The following UBE3D variants were observed in gnomAD, a reference collection of about 807,000 sequenced individuals.
UBE3D encodes the protein E3 ubiquitin-protein ligase E3D.
UBE3D carries 48 observed loss-of-function variants against 49.6 expected under a neutral mutation model. The observed-to-expected ratio is 0.97, with a 90% CI of 0.77 to 1.23. The LOEUF is 1.23. UBE3D is among the 50% of genes most tolerant of loss of function. The pLI is 0.00. For missense variants in UBE3D, 452 were observed against 468.4 expected (o/e 0.96, Z 0.32); for synonymous variants, 189 against 174.2 (o/e 1.08, Z -0.67).
Position 82,946,914 on chromosome 6 carries a change from GA to G in UBE3D, c.1149+10397del, listed in dbSNP as rs544958545. Among the ~76,000 whole-genome samples, 522 of 134,420 alleles carry G rather than the reference GA, an allele frequency of 3.9e-3. 3 individuals are homozygous for G. Among genetic ancestry groups the G allele is most frequent in the South Asian group, 0.014 (61 of 4,312 alleles). 88.2% of individuals were successfully genotyped at this position (134,420 alleles called of 152,430 possible). ...TAACAAAAATCATACAACAGGCACA[GA>G]AAAAAAAAAAGCAAGAAATTAAATC... On this transcript the variant is annotated intron_variant, in intron 9 of 9. Transcript: ENST00000369747.
intron 8 of UBE3D, among the ~76,000 whole-genome samples, chr6:82,966,130 T>C (rs1776903561): frequency 6.6e-6 from 1 of 152,162 alleles, no homozygotes; most frequent in East Asian, 1.9e-4. Flanking sequence ...AACTGATCGG[T>C]ATGTCTTTTA....
intron 8 of UBE3D, among the ~76,000 whole-genome samples, chr6:82,967,471 C>T (rs980678458): frequency 9.2e-5 from 14 of 151,974 alleles, no homozygotes; most frequent in African/African-American, 3.4e-4. Flanking sequence ...CTCCCTTCCC[C>T]ATCGCCTCCA....
At chr6:82,887,948 A>G (rs1447077359), downstream of UBE3D, among the ~76,000 whole-genome samples, 2 of 152,062 alleles carry the variant, frequency 1.3e-5, no homozygotes, top group African/African-American at 4.8e-5. Flanking sequence ...TAGAAATGCT[A>G]TTACCTAGGA....
intron 4 of UBE3D, among the ~76,000 whole-genome samples, chr6:83,040,789 T>C (rs1782618706): frequency 1.3e-5 from 2 of 152,316 alleles, no homozygotes; most frequent in South Asian, 4.1e-4. Flanking sequence ...CTCTGGCCAT[T>C]GCACTGACAT....
the UBE3D span, among the ~76,000 whole-genome samples, chr6:82,885,066 T>C: frequency 6.6e-6 from 1 of 152,116 alleles, no homozygotes; most frequent in Non-Finnish European, 1.5e-5. Flanking sequence ...GAATGGGTTG[T>C]CACGTCCCTT....
intron 4 of UBE3D, among the ~76,000 whole-genome samples, chr6:83,043,697 A>T (rs1782829734): frequency 6.6e-6 from 1 of 152,242 alleles, no homozygotes; most frequent in South Asian, 2.1e-4. Context: ...ACCAATAATC[A>T]GATGTTAAAA....
At chr6:83,037,956 A>C (rs1405990589) in intron 5 of UBE3D, 1 of 152,402 alleles carries the variant, frequency 6.6e-6, no homozygotes, top group Non-Finnish European at 1.5e-5. Flanking sequence ...GGCAGCCAAG[A>C]AAAACAACTT....
chr6:82,996,311 AAAATAAAT>A (rs148895876), intron 8 of UBE3D, among the ~76,000 whole-genome samples: 5,379 of 148,610 alleles, frequency 0.036, 182 homozygotes, highest in East Asian at 0.095. Flanking sequence ...TTTGAGCAAC[AAAATAAAT>A]AAATAAATAA....
intron 8 of UBE3D, among the ~76,000 whole-genome samples, chr6:82,987,289 A>C (rs1001204468): frequency 1.3e-5 from 2 of 152,100 alleles, no homozygotes; most frequent in African/African-American, 4.8e-5. Flanking sequence ...GCTGGGATTA[A>C]AGGAATGAGC....
chr6:83,000,384 G>A (rs150101728), intron 8 of UBE3D, among the ~76,000 whole-genome samples: 11 of 152,094 alleles, frequency 7.2e-5, no homozygotes, highest in African/African-American at 2.7e-4. Flanking sequence ...GTATATAGTG[G>A]CCCATTCCTC....
intron 5 of UBE3D, among the ~76,000 whole-genome samples, chr6:83,024,973 A>G (rs1027791225): frequency 6.6e-6 from 1 of 152,188 alleles, no homozygotes; most frequent in African/African-American, 2.4e-5. Context: ...TTATGATTCA[A>G]GCTCGACTTT....
intron 5 of UBE3D, among the ~76,000 whole-genome samples, chr6:83,025,370 G>A (rs982362011): frequency 2.0e-5 from 3 of 151,750 alleles, no homozygotes; most frequent in African/African-American, 7.3e-5. Context: ...TCATCTTGGA[G>A]TTCTAAAAAA....
At chr6:82,990,361 T>A (rs144985461) in intron 8 of UBE3D, among the ~76,000 whole-genome samples, 166 of 152,224 alleles carry the variant, frequency 1.1e-3, no homozygotes, top group African/African-American at 3.9e-3. Context: ...CAATGCAACC[T>A]CCACCTCCTG....
At chr6:82,930,970 G>T (rs1421591945) in intron 9 of UBE3D, among the ~76,000 whole-genome samples, 1 of 152,196 alleles carries the variant, frequency 6.6e-6, no homozygotes, top group Non-Finnish European at 1.5e-5. Context: ...CCCATAACAG[G>T]CCTGGAGGCC....
chr6:82,996,603 GA>G (rs1171347255), intron 8 of UBE3D, among the ~76,000 whole-genome samples: 2 of 152,088 alleles, frequency 1.3e-5, no homozygotes, highest in Non-Finnish European at 2.9e-5. Context: ...TAGCTTGGTG[GA>G]AAAACCTGAC....
intron 8 of UBE3D, among the ~76,000 whole-genome samples, chr6:82,963,731 TCTC>T (rs1776715388): frequency 6.6e-6 from 1 of 152,082 alleles, no homozygotes; most frequent in South Asian, 2.1e-4. Context: ...CAAATGTTAA[TCTC>T]CTTCACAGAC....
At chr6:82,909,963 A>C (rs1017294831) in intron 9 of UBE3D, among the ~76,000 whole-genome samples, 1 of 152,186 alleles carries the variant, frequency 6.6e-6, no homozygotes, top group Non-Finnish European at 1.5e-5. Flanking sequence ...GCACCCTTGC[A>C]CTTTGGTCAC....
intron 9 of UBE3D, among the ~76,000 whole-genome samples, chr6:82,940,647 G>C (rs555383863): frequency 6.6e-6 from 1 of 152,236 alleles, no homozygotes. Flanking sequence ...ATCTGCAGAA[G>C]CCCTTTGACA....
chr6:82,958,843 G>A (rs883479), intron 8 of UBE3D, among the ~76,000 whole-genome samples: 24,285 of 152,208 alleles, frequency 0.16, 1,981 homozygotes, highest in South Asian at 0.17. Flanking sequence ...TGAAGTCCAA[G>A]GAAGTGGCCA....
Sources: allele counts gnomAD v4.1 joint callset (sites outside exome capture counted in the v4.1 genomes callset), GRCh38; gene constraint gnomAD v4.1.1; transcripts MANE v1.5; gene names NCBI Gene and HGNC (gene_info 2026-07-23, HGNC 2026-07-21).